The following PCDH19 variants were observed in gnomAD, a reference collection of about 807,000 sequenced individuals.
The protein encoded by PCDH19 is protocadherin-19.
A neutral mutation model predicts 46.2 loss-of-function variants in PCDH19; 6 were observed. The ratio of observed to expected loss-of-function variants is 0.13; its 90% CI spans 0.07 to 0.26. The LOEUF is 0.26. Among genes scored for constraint, PCDH19 ranks in the 10% least tolerant of loss-of-function variants. The pLI, the probability that PCDH19 is intolerant of heterozygous loss-of-function variation, is 1.00. For missense variants in PCDH19, 740 were observed against 972.3 expected (o/e 0.76, Z 3.18); for synonymous variants, 481 against 415.7 (o/e 1.16, Z -1.91).
intron 3 of PCDH19, among the ~76,000 whole-genome samples, chrX:100,394,344 T>C (rs1927955724): frequency 8.9e-6 from 1 of 111,808 alleles, no homozygotes; most frequent in African/African-American, 3.3e-5. Flanking sequence ...TCATTCTCAT[T>C]TTTTCCCCAT....
chrX:100,398,024 A>G (rs958201411), intron 3 of PCDH19, among the ~76,000 whole-genome samples: 9 of 110,902 alleles, frequency 8.1e-5, no homozygotes, highest in Non-Finnish European at 1.5e-4. Flanking sequence ...ACACACACAC[A>G]TACACACGCC....
chrX:100,379,304 TACACACACACACAC>T (rs200896147), intron 3 of PCDH19, among the ~76,000 whole-genome samples: 2 of 41,599 alleles, frequency 4.8e-5, no homozygotes, highest in African/African-American at 1.7e-4. Flanking sequence ...ATCTGTCACA[TACACACACACACAC>T]ACACACACAC....
At chrX:100,320,656 A>G (rs1925447016) in intron 5 of PCDH19, among the ~76,000 whole-genome samples, 1 of 111,728 alleles carries the variant, frequency 9.0e-6, no homozygotes, top group Non-Finnish European at 1.9e-5. Context: ...GAATAGAGCC[A>G]TATGATAAAA....
Position 100,354,363 on chromosome X carries a change from T to C in PCDH19, c.2617-3659A>G, listed in dbSNP as rs533717443. Among the ~76,000 whole-genome samples the C allele has an allele frequency of 1.4e-3, 158 of 112,136 alleles. 1 individual carries two copies. Among genetic ancestry groups the C allele is most frequent in the African/African-American group, 4.9e-3 (151 of 30,876 alleles). ...ACACATGAGAATCATCTCAGAATCT[T>C]CTTCTTGTAAAACATAAAAATAAAA... On this transcript the variant is annotated intron_variant, in intron 3 of 5. Transcript: ENST00000373034.
chrX:100,303,107 T>C (rs1418020313), intron 5 of PCDH19, among the ~76,000 whole-genome samples: 10 of 111,479 alleles, frequency 9.0e-5, no homozygotes, highest in Admixed American at 5.7e-4. Context: ...ATACAGGTGT[T>C]AGAGAGATCT....
Position 100,408,042 on chromosome X carries a change from G to A in PCDH19, c.556C>T (p.Arg186Cys). The A allele has an allele frequency of 8.3e-7, 1 of 1,208,775 alleles. No homozygotes were observed. The highest frequency in any genetic ancestry group is 1.1e-6 in the Non-Finnish European group (1 of 895,631). ...LEIKTRGDGS[R>C]FAELVVEKSL... ...TTTTCCACCACGAGTTCGGCAAAGC[G>A]GGAGCCGTCGCCGCGCGTCTTGATC... Residue 186 changes from arginine (R) to cysteine (C), a missense_variant, in exon 1 of 6, where the codon CGC (arginine) becomes TGC (cysteine). Transcript: ENST00000373034.
intron 5 of PCDH19, among the ~76,000 whole-genome samples, chrX:100,302,132 G>A (rs1358114697): frequency 8.9e-6 from 1 of 111,841 alleles, no homozygotes; most frequent in Non-Finnish European, 1.9e-5. Context: ...TAGAAGCCAT[G>A]TGCCTGTGGG....
intron 5 of PCDH19, among the ~76,000 whole-genome samples, chrX:100,299,256 T>G (rs1257827946): frequency 4.5e-5 from 5 of 111,765 alleles, no homozygotes; most frequent in Non-Finnish European, 9.4e-5. Flanking sequence ...CAGCCAAGAT[T>G]AAGACTGATA....
intron 5 of PCDH19, among the ~76,000 whole-genome samples, chrX:100,322,865 A>ATATATATATATATATATTTTTTTT: frequency 5.0e-4 from 27 of 54,386 alleles, no homozygotes; most frequent in African/African-American, 1.5e-3. Context: ...ATATATATAT[A>ATATATATATATATATATTTTTTTT]TTTTTGCAGC....
Position 100,322,850 on chromosome X carries a change from TA to T in PCDH19, c.2848+19052del, listed in dbSNP as rs1569291792. Among the ~76,000 whole-genome samples, 23 of 58,177 alleles carry T rather than the reference TA, an allele frequency of 4.0e-4. 1 individual carries two copies. The highest frequency in any genetic ancestry group is 1.1e-3 in the African/African-American group (14 of 12,286). 50.5% of individuals were successfully genotyped at this position (58,177 alleles called of 115,157 possible). ...ATTCCTAAGTATATATATATATATA[TA>T]TATATATATATATATTTTTGCAGCT... On this transcript the variant is annotated intron_variant, in intron 5 of 5. Coordinates refer to ENST00000373034, the MANE Select transcript of PCDH19 (RefSeq NM_001184880.2).
chrX:100,408,092 G>C lies in PCDH19; in HGVS notation c.506C>G (p.Thr169Arg). 1 of 1,210,321 alleles carries C rather than the reference G, an allele frequency of 8.3e-7. No individual in the cohort carries two copies. The highest frequency in any genetic ancestry group is 1.1e-6 in the Non-Finnish European group (1 of 895,626). ...CTCCAGGCCGAACAGCTCGTTGGGC[G>C]TGAGCTCGTAAGTCTGCACGCCAAA... ...GSFGVQTYEL[T>R]PNELFGLEIK... Residue 169 changes from threonine (T) to arginine (R), a missense_variant, in exon 1 of 6, where the codon ACG becomes AGG. Physicochemically the swap from Thr to Arg is moderately conservative, Grantham distance 71 (BLOSUM62 -1). This residue lies in a region of PCDH19 where 48 missense variants were observed against 43.2 expected (regional missense o/e 1.11). Transcript: ENST00000373034.
At chrX:100,342,408 T>C (rs1053723461) in intron 4 of PCDH19, among the ~76,000 whole-genome samples, 1 of 112,205 alleles carries the variant, frequency 8.9e-6, no homozygotes, top group Non-Finnish European at 1.9e-5. Flanking sequence ...AAAATCAAAG[T>C]AAAATAATAA....
intron 3 of PCDH19, among the ~76,000 whole-genome samples, chrX:100,382,976 T>C: frequency 8.9e-6 from 1 of 112,596 alleles, no homozygotes; most frequent in East Asian, 2.8e-4. Context: ...GAGGTGGAAT[T>C]TGTTTGCAGT....
In PCDH19 at chrX:100,293,661, G is replaced by GA. The variant is rs1376532432; in HGVS notation, c.*2615dup. ...GACTCATACATCAGACAATTGTGGG[G>GA]AAAAATATTTCCTTAATGAGAGGAA... On this transcript the variant is annotated 3_prime_UTR_variant, in exon 6 of 6. Transcript: ENST00000373034. The GA allele has an allele frequency of 9.0e-6, 1 of 111,522 alleles. No individual in the cohort carries two copies. Among genetic ancestry groups the GA allele is most frequent in the African/African-American group, 3.3e-5 (1 of 30,626 alleles). 9.2% of individuals were successfully genotyped at this position (111,522 alleles called of 1,213,427 possible).
intron 5 of PCDH19, among the ~76,000 whole-genome samples, chrX:100,339,215 T>C (rs746125134): frequency 8.9e-6 from 1 of 112,160 alleles, no homozygotes; most frequent in South Asian, 3.8e-4. Flanking sequence ...GAACAGTTGC[T>C]CTGGAACTCC....
At chrX:100,397,384 A>T (rs1928056431) in intron 3 of PCDH19, among the ~76,000 whole-genome samples, 1 of 112,193 alleles carries the variant, frequency 8.9e-6, no homozygotes, top group Non-Finnish European at 1.9e-5. Context: ...AGACTGTTGC[A>T]TGAGTGGCTA....
chrX:100,321,284 C>A (rs187466603), intron 5 of PCDH19, among the ~76,000 whole-genome samples: 1 of 111,828 alleles, frequency 8.9e-6, no homozygotes, highest in East Asian at 2.8e-4. Context: ...GATAGCTACC[C>A]AGTAGTGGGA....
intron 3 of PCDH19, among the ~76,000 whole-genome samples, chrX:100,396,183 C>T (rs1167724147): frequency 3.6e-5 from 4 of 112,196 alleles, no homozygotes; most frequent in Non-Finnish European, 5.6e-5. Context: ...TCGAGGCAGA[C>T]GCCTAAGAGC....
chrX:100,312,756 A>G (rs1224719840), intron 5 of PCDH19, among the ~76,000 whole-genome samples: 1 of 111,388 alleles, frequency 9.0e-6, no homozygotes, highest in African/African-American at 3.3e-5. Flanking sequence ...CTCTTCTTTA[A>G]TAGAGAGAAT....
Sources: allele counts gnomAD v4.1 joint callset (sites outside exome capture counted in the v4.1 genomes callset), GRCh38; gene constraint gnomAD v4.1.1; regional missense constraint gnomAD v4.1.1; transcripts MANE v1.5; gene names NCBI Gene and HGNC (gene_info 2026-07-23, HGNC 2026-07-21).